The following SVOPL variants were observed in gnomAD, a reference collection of about 807,000 sequenced individuals.
The protein encoded by SVOPL is SVOP like.
SVOPL carries 60 observed loss-of-function variants against 61.0 expected under a neutral mutation model. The observed-to-expected ratio is 0.98, with a 90% CI of 0.80 to 1.22. The LOEUF is 1.22. Ranked by LOEUF, SVOPL falls within the 50% of genes most tolerant of loss-of-function variation. SVOPL has a pLI of 0.00. For missense variants in SVOPL, 662 were observed against 643.9 expected, an observed-to-expected ratio of 1.03 and a Z score of -0.30; for synonymous variants, 279 against 250.0, an observed-to-expected ratio of 1.12 and a Z score of -1.09.
intron 1 of SVOPL, among the ~76,000 whole-genome samples, chr7:138,698,513 A>T (rs1253241373): frequency 6.6e-6 from 1 of 152,184 alleles, no homozygotes; most frequent in Middle Eastern, 3.2e-3. Flanking sequence ...GAATCTGGCC[A>T]GCATAAGACA....
At chr7:138,602,481 ATG>A (rs1209106849) in intron 14 of SVOPL, among the ~76,000 whole-genome samples, 9 of 149,820 alleles carry the variant, frequency 6.0e-5, no homozygotes, top group African/African-American at 1.7e-4. Flanking sequence ...ATATATGTAG[ATG>A]TGTGTGTTTA....
At chr7:138,630,168 T>A (rs752556930) in intron 9 of SVOPL, 46 bp from the exon 10 acceptor site, 1 of 1,461,208 alleles carries the variant, frequency 6.8e-7, no homozygotes, top group South Asian at 1.1e-5. Flanking sequence ...AGCTTAAGGA[T>A]GAACGGAGAT....
intron 7 of SVOPL, among the ~76,000 whole-genome samples, chr7:138,651,901 A>ATCTT (rs1173880674): frequency 3.3e-5 from 5 of 152,138 alleles, no homozygotes; most frequent in African/African-American, 1.2e-4. Context: ...AAAGTTGCGC[A>ATCTT]TCTTTCTTTC....
In SVOPL at chr7:138,596,409, T is replaced by G; in HGVS notation, c.1467+8A>C. 6.2e-7 allele frequency: 1 copy of G among 1,613,308 alleles called. No individual in the cohort carries two copies. Among genetic ancestry groups the G allele is most frequent in the Non-Finnish European group, 8.5e-7 (1 of 1,179,510 alleles). On this transcript the variant is annotated splice_region_variant and intron_variant, in intron 15 of 15. Coordinates refer to ENST00000674285, the MANE Select transcript of SVOPL (RefSeq NM_001139456.2). ...TGAAAAGACTTCAGAGTTCCCTGCATCACTCACCTGGAGGGCCCGTCCTTT... is the reference window on the plus strand; with the variant it reads ...TGAAAAGACTTCAGAGTTCCCTGCAGCACTCACCTGGAGGGCCCGTCCTTT...
intron 7 of SVOPL, among the ~76,000 whole-genome samples, chr7:138,652,144 C>A (rs953102064): frequency 3.9e-5 from 6 of 151,982 alleles, no homozygotes; most frequent in African/African-American, 7.2e-5. Context: ...TTCTGCCCCC[C>A]AGGTTCAAGC....
chr7:138,671,544 C>T (rs1802417167), intron 4 of SVOPL, among the ~76,000 whole-genome samples: 1 of 152,096 alleles, frequency 6.6e-6, no homozygotes, highest in Non-Finnish European at 1.5e-5. Flanking sequence ...GACGGGGTTT[C>T]ACCATGTTGG....
At chr7:138,664,362 C>A in intron 4 of SVOPL, 1 of 438,860 alleles carries the variant, frequency 2.3e-6, no homozygotes, top group Non-Finnish European at 3.0e-6. Context: ...GTGCGCCTAA[C>A]CCTCCAACGC....
Position 138,678,486 on chromosome 7 carries a change from A to G in SVOPL, c.122T>C (p.Ile41Thr). The G allele has an allele frequency of 1.3e-6, 2 of 1,552,166 alleles. No individual in the cohort carries two copies. The highest frequency in any genetic ancestry group is 1.7e-6 in the Non-Finnish European group (2 of 1,147,092). Residue 41 changes from isoleucine to threonine, a missense_variant, in exon 3 of 16, where the codon ATC becomes ACC. Ile to Thr is a moderately conservative substitution (Grantham distance 89, BLOSUM62 -1). Coordinates refer to ENST00000674285, the MANE Select transcript of SVOPL (RefSeq NM_001139456.2). Reference protein sequence around the residue: ...TFTVEDAVETIGFGRFHIALF... With the variant: ...TFTVEDAVETTGFGRFHIALF... The stretch of plus-strand genomic sequence containing the variant: ...GGCAATGTGGAAACGCCCGAAGCCG[A>G]TAGTCTCCACTGCATCTTCCACGGT...
At chr7:138,641,814 T>TTATATTTATATATATA (rs1554464907) in intron 9 of SVOPL, among the ~76,000 whole-genome samples, 2 of 120,978 alleles carry the variant, frequency 1.7e-5, no homozygotes, top group East Asian at 5.4e-4. Context: ...TATATATATG[T>TTATATTTATATATATA]TATATATATA....
At position 138,598,860 on chromosome 7, in the gene SVOPL, A is replaced by G. The variant is rs530861797; in HGVS notation, c.1354-2330T>C. 2.0e-3 allele frequency among the ~76,000 whole-genome samples: 300 copies of G among 152,326 alleles called. 1 individual carries two copies. The highest frequency in any genetic ancestry group is 7.0e-3 in the African/African-American group (289 of 41,582). On this transcript the variant is annotated intron_variant, in intron 14 of 15. Transcript: ENST00000674285. The stretch of plus-strand genomic sequence containing the variant: ...TTAAGTACATTAAAAAATCTACTTC[A>G]GTTCTTAGGCAAATACAATCTTGTA...
At chr7:138,640,221 CTTT>C (rs34885728) in intron 9 of SVOPL, among the ~76,000 whole-genome samples, 1 of 149,830 alleles carries the variant, frequency 6.7e-6, no homozygotes, top group Non-Finnish European at 1.5e-5. Context: ...TTTTTTTTAA[CTTT>C]TTTTTTTATA....
At chr7:138,648,570 C>T (rs981285050) in intron 8 of SVOPL, among the ~76,000 whole-genome samples, 9 of 148,418 alleles carry the variant, frequency 6.1e-5, no homozygotes, top group Admixed American at 2.7e-4. Context: ...TAGTCAGGCG[C>T]GGTGGTGGGC....
chr7:138,697,388 A>G (rs773672015), intron 1 of SVOPL, among the ~76,000 whole-genome samples: 6 of 152,066 alleles, frequency 3.9e-5, no homozygotes, highest in Non-Finnish European at 7.4e-5. Flanking sequence ...AGACAAAAAT[A>G]TTAAGATTCT....
At chr7:138,653,936 A>C (rs1584840195) in intron 7 of SVOPL, among the ~76,000 whole-genome samples, 1 of 12,240 alleles carries the variant, frequency 8.2e-5, no homozygotes, top group Admixed American at 1.4e-3. Context: ...CTGTCTCAAA[A>C]AAAAAAAAAA....
intron 6 of SVOPL, among the ~76,000 whole-genome samples, chr7:138,657,127 C>CTTGT (rs1801780774): frequency 1.4e-5 from 2 of 141,498 alleles, no homozygotes; most frequent in East Asian, 2.1e-4. Context: ...ATTCCCTTTT[C>CTTGT]TTATTTGTTT....
intron 14 of SVOPL, among the ~76,000 whole-genome samples, chr7:138,620,089 T>TG (rs1563093809): frequency 6.7e-6 from 1 of 150,254 alleles, no homozygotes; most frequent in Non-Finnish European, 1.5e-5. Context: ...TGTGGATTTC[T>TG]GTTTTTTTTT....
At position 138,621,125 on chromosome 7, in the gene SVOPL, G is replaced by A. The variant is rs1799547728; in HGVS notation, c.1274C>T (p.Thr425Ile). The A allele has an allele frequency of 6.2e-7, 1 of 1,613,452 alleles. No homozygotes were observed. The highest frequency in any genetic ancestry group is 8.5e-7 in the Non-Finnish European group (1 of 1,179,808). Residue 425 changes from threonine to isoleucine, a missense_variant, in exon 14 of 16, where the codon ACC becomes ATC. Transcript: ENST00000674285. The part of the protein sequence containing the change: ...VYIYTAEVYP[T>I]TMRALGMGTS... The stretch of plus-strand genomic sequence containing the variant: ...TCCCATCCCCAAAGCGCGCATCGTG[G>A]TGGGGTAGACCTGCAGGGAGAGGCA...
At chr7:138,666,792 C>T (rs77036558) in intron 4 of SVOPL, among the ~76,000 whole-genome samples, 1,798 of 152,282 alleles carry the variant, frequency 0.012, 20 homozygotes, top group South Asian at 0.057. Context: ...ATGTTACAAA[C>T]GAGCTTACCT....
At chr7:138,594,886 A>T (rs1798215854) in intron 15 of SVOPL, among the ~76,000 whole-genome samples, 1 of 151,914 alleles carries the variant, frequency 6.6e-6, no homozygotes, top group South Asian at 2.1e-4. Flanking sequence ...ATATACATAC[A>T]TACATATATA....
Sources: allele counts gnomAD v4.1 joint callset (sites outside exome capture counted in the v4.1 genomes callset), GRCh38; gene constraint gnomAD v4.1.1; transcripts MANE v1.5; gene names NCBI Gene and HGNC (gene_info 2026-07-23, HGNC 2026-07-21).